PTPRD: variants seen among roughly 807,000 people sequenced by gnomAD.
PTPRD encodes protein tyrosine phosphatase receptor type D, also known as receptor-type tyrosine-protein phosphatase delta.
In PTPRD, 34 loss-of-function variants were observed where a neutral mutation model predicts 214.5. That is an observed-to-expected ratio of 0.16 (90% CI 0.12 to 0.21). The LOEUF is 0.21. Ranked by LOEUF, PTPRD falls within the 10% of genes least tolerant of loss-of-function variation. PTPRD has a pLI of 1.00. For missense variants in PTPRD, 2,545 were observed against 2,398.7 expected, an observed-to-expected ratio of 1.06 and a Z score of -1.27; for synonymous variants, 1,128 against 845.7, an observed-to-expected ratio of 1.33 and a Z score of -5.79.
intron 12 of PTPRD, among the ~76,000 whole-genome samples, chr9:8,726,614 T>TATGAC (rs2098573412): frequency 2.7e-4 from 1 of 3,664 alleles, no homozygotes; most frequent in Non-Finnish European, 5.9e-4. Context: ...TATATATATA[T>TATGAC]ATATATATAT....
intron 2 of PTPRD, among the ~76,000 whole-genome samples, chr9:10,393,238 C>T (rs1425631587): frequency 6.6e-6 from 1 of 151,576 alleles, no homozygotes; most frequent in Non-Finnish European, 1.5e-5. Context: ...TGAATATAAT[C>T]ACTAGTAAAA....
intron 9 of PTPRD, among the ~76,000 whole-genome samples, chr9:9,308,104 A>C (rs1420184102): frequency 6.6e-6 from 1 of 152,174 alleles, no homozygotes; most frequent in African/African-American, 2.4e-5. Context: ...AGAATGTATA[A>C]CTGTGGCATT....
At chr9:9,649,047 A>G (rs2096267253) in intron 7 of PTPRD, among the ~76,000 whole-genome samples, 1 of 152,186 alleles carries the variant, frequency 6.6e-6, no homozygotes, top group Admixed American at 6.6e-5. Context: ...CCAAGTCTCA[A>G]GGATGAGCCA....
intron 3 of PTPRD, among the ~76,000 whole-genome samples, chr9:10,089,927 A>T (rs2098408450): frequency 6.6e-6 from 1 of 151,664 alleles, no homozygotes; most frequent in Non-Finnish European, 1.5e-5. Flanking sequence ...ATCCTGGGAA[A>T]GCATTTAGAA....
intron 5 of PTPRD, among the ~76,000 whole-genome samples, chr9:9,831,109 G>A (rs2054678316): frequency 1.3e-5 from 2 of 151,886 alleles, no homozygotes; most frequent in African/African-American, 2.4e-5. Flanking sequence ...CAAAGCTTCA[G>A]GGTGTAGCAC....
chr9:9,528,405 G>A (rs1340109096), intron 8 of PTPRD, among the ~76,000 whole-genome samples: 1 of 152,116 alleles, frequency 6.6e-6, no homozygotes, highest in Non-Finnish European at 1.5e-5. Flanking sequence ...TATTTCTTTA[G>A]TTTGGAAGCT....
chr9:9,797,913 T>A (rs764830675), intron 5 of PTPRD, among the ~76,000 whole-genome samples: 5 of 151,994 alleles, frequency 3.3e-5, no homozygotes, highest in Non-Finnish European at 4.4e-5. Flanking sequence ...AGTAATAAAG[T>A]TAGAAAATGA....
chr9:9,172,642 G>A (rs2099922175), intron 10 of PTPRD, among the ~76,000 whole-genome samples: 1 of 152,052 alleles, frequency 6.6e-6, no homozygotes, highest in African/African-American at 2.4e-5. Flanking sequence ...ACTGGCAAAG[G>A]GTTTGGCATA....
chr9:9,806,795 T>C (rs761700474), intron 5 of PTPRD, among the ~76,000 whole-genome samples: 4 of 151,964 alleles, frequency 2.6e-5, no homozygotes, highest in Admixed American at 2.6e-4. Context: ...AGAGGCAAAA[T>C]GGCGGGGTTT....
At chr9:9,924,066 G>A (rs927528518) in intron 5 of PTPRD, among the ~76,000 whole-genome samples, 1 of 151,914 alleles carries the variant, frequency 6.6e-6, no homozygotes, top group Non-Finnish European at 1.5e-5. Flanking sequence ...AATATATTGT[G>A]CTAAAAATGT....
intron 11 of PTPRD, among the ~76,000 whole-genome samples, chr9:8,765,199 C>G (rs576126757): frequency 6.6e-6 from 1 of 152,320 alleles, no homozygotes; most frequent in African/African-American, 2.4e-5. Flanking sequence ...TTATCTGATA[C>G]TCTTCCCCTC....
At chr9:10,170,397 G>A (rs2099194086) in intron 3 of PTPRD, among the ~76,000 whole-genome samples, 1 of 152,028 alleles carries the variant, frequency 6.6e-6, no homozygotes, top group Non-Finnish European at 1.5e-5. Context: ...TCGTGTTTTA[G>A]AAATCATTTT....
At chr9:10,268,790 C>T (rs1595781117) in intron 3 of PTPRD, among the ~76,000 whole-genome samples, 1 of 152,284 alleles carries the variant, frequency 6.6e-6, no homozygotes, top group African/African-American at 2.4e-5. Flanking sequence ...GCTACCTTTT[C>T]AACGCTAAGT....
At chr9:9,752,662 AC>A (rs2098532115) in intron 6 of PTPRD, among the ~76,000 whole-genome samples, 1 of 152,022 alleles carries the variant, frequency 6.6e-6, no homozygotes, top group African/African-American at 2.4e-5. Context: ...CAGTAAAGAA[AC>A]CTCAAAAGTT....
At chr9:8,903,936 T>G (rs7032026) in intron 11 of PTPRD, among the ~76,000 whole-genome samples, 1 of 152,184 alleles carries the variant, frequency 6.6e-6, no homozygotes, top group Non-Finnish European at 1.5e-5. Context: ...TGTCTCATAG[T>G]AGATTTGTAA....
intron 7 of PTPRD, among the ~76,000 whole-genome samples, chr9:9,689,308 C>A (rs1408803123): frequency 6.6e-6 from 1 of 151,744 alleles, no homozygotes; most frequent in Non-Finnish European, 1.5e-5. Flanking sequence ...TTATGTTAAT[C>A]ATTCCAGAAA....
intron 3 of PTPRD, among the ~76,000 whole-genome samples, chr9:10,098,339 G>T (rs1223390328): frequency 7.2e-6 from 1 of 138,768 alleles, no homozygotes; most frequent in African/African-American, 2.7e-5. Context: ...ACCAGGGATG[G>T]TTGTGGGGTT....
At chr9:9,057,888 C>T (rs774526133) in intron 10 of PTPRD, among the ~76,000 whole-genome samples, 3 of 152,070 alleles carry the variant, frequency 2.0e-5, no homozygotes, top group Admixed American at 6.5e-5. Flanking sequence ...TAGCACAAGA[C>T]ATAATTAGAA....
At chr9:9,498,608 C>T (rs535120726) in intron 8 of PTPRD, among the ~76,000 whole-genome samples, 20 of 151,970 alleles carry the variant, frequency 1.3e-4, no homozygotes, top group Non-Finnish European at 2.6e-4. Flanking sequence ...AAATTTTATA[C>T]AGTGTAAGGA....
Sources: gnomAD v4.1 joint callset for allele counts (sites outside exome capture counted in the v4.1 genomes callset) on GRCh38, gnomAD v4.1.1 for gene constraint, MANE v1.5 for transcripts, NCBI Gene and HGNC (gene_info 2026-07-23, HGNC 2026-07-21) for gene names.